The following PPP2R2C variants were observed in gnomAD, a reference collection of about 807,000 sequenced individuals.
The protein encoded by PPP2R2C is protein phosphatase 2, regulatory subunit B, gamma.
In PPP2R2C, 10 loss-of-function variants were observed where a neutral mutation model predicts 45.3. The observed-to-expected ratio is 0.22, with a 90% CI of 0.14 to 0.37. The LOEUF is 0.37. Ranked by LOEUF, PPP2R2C falls within the 10% of genes least tolerant of loss-of-function variation. The probability of loss-of-function intolerance (pLI) is 1.00; values close to 1 mark genes in which losing one functional copy is unlikely to be tolerated. For missense variants in PPP2R2C, 308 were observed against 619.7 expected (o/e 0.50, Z 5.34); for synonymous variants, 257 against 245.4 (o/e 1.05, Z -0.44).
At chr4:6,446,254 CA>C (rs1399960529) in intron 1 of PPP2R2C, among the ~76,000 whole-genome samples, 1 of 152,192 alleles carries the variant, frequency 6.6e-6, no homozygotes, top group Non-Finnish European at 1.5e-5. Context: ...CCCCACTTTT[CA>C]AAAGGGCTGA....
At chr4:6,518,649 G>A (rs1455607855) in intron 2 of PPP2R2C, among the ~76,000 whole-genome samples, 1 of 152,180 alleles carries the variant, frequency 6.6e-6, no homozygotes, top group Non-Finnish European at 1.5e-5. Flanking sequence ...TGGCCCAGGT[G>A]TGGTGGCTCA....
At chr4:6,430,974 T>G (rs1342087567) in intron 1 of PPP2R2C, among the ~76,000 whole-genome samples, 2 of 151,834 alleles carry the variant, frequency 1.3e-5, no homozygotes, top group East Asian at 3.9e-4. Context: ...TCCCTGATCC[T>G]GTTTGTTGGA....
intron 2 of PPP2R2C, among the ~76,000 whole-genome samples, chr4:6,529,665 G>A (rs1277271238): frequency 6.6e-6 from 1 of 152,224 alleles, no homozygotes; most frequent in Non-Finnish European, 1.5e-5. Context: ...CCTCCCAGAG[G>A]GAAAATTGGC....
At chr4:6,545,152 A>G (rs977874407) in intron 1 of PPP2R2C, among the ~76,000 whole-genome samples, 3 of 152,200 alleles carry the variant, frequency 2.0e-5, no homozygotes, top group African/African-American at 7.2e-5. Flanking sequence ...AGTCAGGCCT[A>G]TTGCCTCCTC....
chr4:6,464,801 G>A (rs947166889), intron 1 of PPP2R2C, among the ~76,000 whole-genome samples: 20 of 152,018 alleles, frequency 1.3e-4, no homozygotes, highest in African/African-American at 4.6e-4. Context: ...AAGGGGGAAC[G>A]ATGGGAGTAG....
intron 2 of PPP2R2C, among the ~76,000 whole-genome samples, chr4:6,497,499 C>G (rs1419990532): frequency 6.6e-6 from 1 of 152,124 alleles, no homozygotes; most frequent in African/African-American, 2.4e-5. Context: ...ATCCCTACCT[C>G]AAACCCTAGA....
chr4:6,393,200 C>T (rs1049116061), intron 1 of PPP2R2C, among the ~76,000 whole-genome samples: 14 of 152,164 alleles, frequency 9.2e-5, no homozygotes, highest in Non-Finnish European at 2.1e-4. Flanking sequence ...ATTCCCACCA[C>T]CCCAAAAAGA....
chr4:6,446,975 G>A (rs904584150), intron 1 of PPP2R2C, among the ~76,000 whole-genome samples: 4 of 152,124 alleles, frequency 2.6e-5, no homozygotes, highest in Middle Eastern at 3.4e-3. Flanking sequence ...TTCAGACCAC[G>A]GTGCGGGGCA....
intron 1 of PPP2R2C, among the ~76,000 whole-genome samples, chr4:6,536,574 G>A (rs1013256335): frequency 1.3e-5 from 2 of 152,206 alleles, no homozygotes; most frequent in African/African-American, 4.8e-5. Flanking sequence ...CCAAAAAAAG[G>A]CCCTGTGGCC....
intron 5 of PPP2R2C, among the ~76,000 whole-genome samples, chr4:6,351,544 C>G (rs185065427): frequency 6.6e-6 from 1 of 152,140 alleles, no homozygotes; most frequent in African/African-American, 2.4e-5. Flanking sequence ...GGTCAGGACC[C>G]ATGGGGGAGC....
intron 2 of PPP2R2C, among the ~76,000 whole-genome samples, chr4:6,529,197 G>A (rs1724314011): frequency 6.6e-6 from 1 of 152,206 alleles, no homozygotes; most frequent in Non-Finnish European, 1.5e-5. Context: ...CAGAAGCAGA[G>A]GCCTAGTCAG....
At chr4:6,385,170 A>G (rs888372504) in intron 1 of PPP2R2C, among the ~76,000 whole-genome samples, 2 of 152,088 alleles carry the variant, frequency 1.3e-5, no homozygotes, top group Non-Finnish European at 2.9e-5. Context: ...TGGGCGCCCA[A>G]CCTCACTGTG....
At chr4:6,370,744 C>G (rs1477803081) in intron 5 of PPP2R2C, among the ~76,000 whole-genome samples, 3 of 152,208 alleles carry the variant, frequency 2.0e-5, no homozygotes, top group Non-Finnish European at 4.4e-5. Context: ...AGCTCTCTTA[C>G]AGTTATCCAC....
intron 5 of PPP2R2C, among the ~76,000 whole-genome samples, 182 bp downstream of exon 5, chr4:6,372,341 A>T (rs1222791202): frequency 1.3e-5 from 2 of 152,244 alleles, no homozygotes; most frequent in Non-Finnish European, 2.9e-5. Context: ...TTTCAGAAAC[A>T]GACGTGACAT....
At chr4:6,530,326 C>G (rs901653183) in intron 2 of PPP2R2C, among the ~76,000 whole-genome samples, 1 of 152,174 alleles carries the variant, frequency 6.6e-6, no homozygotes, top group South Asian at 2.1e-4. Flanking sequence ...CCGCCATTTT[C>G]CATGCACGCG....
intron 1 of PPP2R2C, among the ~76,000 whole-genome samples, chr4:6,399,133 T>A (rs5019274): frequency 6.6e-6 from 1 of 152,042 alleles, no homozygotes; most frequent in East Asian, 1.9e-4. Flanking sequence ...AAACGTTTTG[T>A]GGGTGAAGGC....
At chr4:6,383,314 A>C (rs1715991199) in intron 1 of PPP2R2C, 1 of 1,281,914 alleles carries the variant, frequency 7.8e-7, no homozygotes, top group Non-Finnish European at 1.0e-6. Flanking sequence ...AGCCAAGCCC[A>C]GACCACAGAA....
At chr4:6,510,693 T>C (rs28736564) in intron 2 of PPP2R2C, among the ~76,000 whole-genome samples, 11,565 of 152,160 alleles carry the variant, frequency 0.076, 810 homozygotes, top group African/African-American at 0.19. Context: ...AAATGTTTGT[T>C]GAGGCCGGGC....
intron 1 of PPP2R2C, among the ~76,000 whole-genome samples, chr4:6,556,020 C>G (rs1045402740): frequency 1.2e-4 from 19 of 152,174 alleles, no homozygotes; most frequent in African/African-American, 4.6e-4. Context: ...TGGAAAGAGT[C>G]TGCCCAGCAC....
Sources: allele counts gnomAD v4.1 joint callset (sites outside exome capture counted in the v4.1 genomes callset), GRCh38; gene constraint gnomAD v4.1.1; transcripts MANE v1.5; gene names NCBI Gene and HGNC (gene_info 2026-07-23, HGNC 2026-07-21).